Variants in SEC14L1 observed in about 807,000 individuals in gnomAD.
SEC14L1 encodes SEC14 like lipid binding 1, also known as SEC14-like protein 1.
Under a neutral mutation model 85.3 loss-of-function variants are expected in SEC14L1, and 48 were observed. The ratio of observed to expected loss-of-function variants is 0.56; its 90% CI spans 0.45 to 0.72. The LOEUF (loss-of-function observed/expected upper bound fraction) is 0.72, where lower values mean the gene tolerates loss of function less well. SEC14L1 is among the 30% of genes least tolerant of loss of function. The pLI, the probability that SEC14L1 is intolerant of heterozygous loss-of-function variation, is 0.00. For synonymous variants in SEC14L1, 391 were observed against 355.5 expected (o/e 1.10, Z -1.12); for missense variants, 682 against 921.4 (o/e 0.74, Z 3.36).
At chr17:77,122,944 C>T (rs1049109530) in intron 3 of SEC14L1, among the ~76,000 whole-genome samples, 1 of 152,092 alleles carries the variant, frequency 6.6e-6, no homozygotes, top group East Asian at 1.9e-4. Flanking sequence ...ACACAGCATC[C>T]AGACAGAGAA....
intron 3 of SEC14L1, among the ~76,000 whole-genome samples, chr17:77,184,705 G>A (rs1975189719): frequency 6.6e-6 from 1 of 152,172 alleles, no homozygotes; most frequent in African/African-American, 2.4e-5. Context: ...AATAGGGACT[G>A]GTATTTGGAA....
chr17:77,161,895 T>C (rs936463730), intron 3 of SEC14L1, among the ~76,000 whole-genome samples: 9 of 150,240 alleles, frequency 6.0e-5, no homozygotes, highest in African/African-American at 1.9e-4. Flanking sequence ...TTCCTCTCTT[T>C]CTCTCTTTCT....
intron 9 of SEC14L1, 114 bp from the exon 10 acceptor site, chr17:77,203,456 T>A (rs530160147): frequency 7.0e-5 from 60 of 861,192 alleles, no homozygotes; most frequent in Admixed American, 3.7e-4. Flanking sequence ...CAGAAAGACT[T>A]TTAAGCGCCC....
intron 3 of SEC14L1, among the ~76,000 whole-genome samples, chr17:77,131,679 G>A (rs1972617786): frequency 6.6e-6 from 1 of 152,214 alleles, no homozygotes. Context: ...GAATAGAGTG[G>A]AGATGAATAT....
intron 3 of SEC14L1, among the ~76,000 whole-genome samples, chr17:77,148,190 G>C (rs568124776): frequency 1.4e-3 from 215 of 152,252 alleles, no homozygotes; most frequent in Non-Finnish European, 2.3e-3. Context: ...AAGGAGGCGG[G>C]AGGCCACCTA....
At chr17:77,202,936 T>A (rs112326033) in intron 9 of SEC14L1, among the ~76,000 whole-genome samples, 9,886 of 133,450 alleles carry the variant, frequency 0.074, 419 homozygotes, top group East Asian at 0.27. Flanking sequence ...AATAAAAAAA[T>A]AAAAAAAAAA....
In SEC14L1 at chr17:77,191,007, G is replaced by A. The variant is rs747610207; in HGVS notation, c.213+55G>A. On this transcript the variant is annotated intron_variant, in intron 4 of 16. Transcript: ENST00000436233. ...AAAGGGCGTCCTGGTGGGAGAGGGCGTCCTGGTGGGAGAGGGCGTCCTGGA... is the reference window on the plus strand; with the variant it reads ...AAAGGGCGTCCTGGTGGGAGAGGGCATCCTGGTGGGAGAGGGCGTCCTGGA... 3.3e-5 allele frequency: 52 copies of A among 1,597,956 alleles called. 1 individual carries two copies. The highest frequency in any genetic ancestry group is 1.1e-4 in the East Asian group (5 of 44,764).
chr17:77,187,849 G>A (rs559102050), intron 3 of SEC14L1, among the ~76,000 whole-genome samples: 187 of 151,390 alleles, frequency 1.2e-3, no homozygotes, highest in African/African-American at 4.5e-3. Context: ...GGCTCAGGTG[G>A]TCCTCCCATG....
chr17:77,205,315 G>A lies in SEC14L1; in HGVS notation c.1138G>A (p.Glu380Lys). The change falls in exon 11 of 17, where the codon GAG (glutamate) becomes AAG (lysine). Residue 380 changes from glutamate to lysine, a missense_variant. Physicochemically the swap from Glu to Lys is moderately conservative, Grantham distance 56. This residue lies in a region of SEC14L1 where 420 missense variants were observed against 619.5 expected (regional missense o/e 0.68). Coordinates refer to ENST00000436233, the MANE Select transcript of SEC14L1 (RefSeq NM_001143998.2). ...TGAAGAAGGGCTAAGGCGATGCGAA[G>A]AGAATACAAAAGTCTTTGGTCGGCC... is the stretch of plus-strand genomic sequence containing the variant. ...INEEGLRRCE[E>K]NTKVFGRPIS... The A allele has an allele frequency of 6.2e-7, 1 of 1,614,194 alleles. No homozygotes were observed. The highest frequency in any genetic ancestry group is 8.5e-7 in the Non-Finnish European group (1 of 1,180,028).
chr17:77,184,013 T>C (rs1007126128), intron 3 of SEC14L1, among the ~76,000 whole-genome samples: 2 of 152,188 alleles, frequency 1.3e-5, no homozygotes, highest in African/African-American at 4.8e-5. Context: ...CTCGAACTCC[T>C]GACCTCAGGT....
chr17:77,157,908 A>G (rs1298557896), intron 3 of SEC14L1, among the ~76,000 whole-genome samples: 3 of 151,948 alleles, frequency 2.0e-5, no homozygotes, highest in African/African-American at 7.3e-5. Flanking sequence ...TCATGTTTTC[A>G]TGTGACGGAT....
At chr17:77,102,320 A>G (rs1175238764) in intron 3 of SEC14L1, among the ~76,000 whole-genome samples, 1 of 152,170 alleles carries the variant, frequency 6.6e-6, no homozygotes, top group Non-Finnish European at 1.5e-5. Context: ...ATCTTCCTTG[A>G]TGATTACAGT....
At chr17:77,171,177 C>T (rs1320566975) in intron 3 of SEC14L1, among the ~76,000 whole-genome samples, 1 of 152,156 alleles carries the variant, frequency 6.6e-6, no homozygotes, top group Non-Finnish European at 1.5e-5. Flanking sequence ...GATTTCTATA[C>T]ACCCATAAAC....
chr17:77,153,474 AG>A (rs1377809146), intron 3 of SEC14L1, among the ~76,000 whole-genome samples: 2 of 152,358 alleles, frequency 1.3e-5, no homozygotes, highest in Non-Finnish European at 2.9e-5. Flanking sequence ...GTTGCAAATA[AG>A]ATGCAAAATA....
rs1342910671 is a variant in SEC14L1, at chr17:77,214,800, G to A, written c.*777G>A. The A allele has an allele frequency of 1.4e-5, 14 of 985,242 alleles. No individual in the cohort carries two copies. The highest frequency in any genetic ancestry group is 9.4e-5 in the South Asian group (2 of 21,286). The allele number at this position is 985,242 out of a possible 1,614,324, so 61.0% of individuals were successfully genotyped here. A position where few individuals can be genotyped will look rare whatever the true frequency, so the allele number is the denominator to read the frequency against. On this transcript the variant is annotated 3_prime_UTR_variant, in exon 17 of 17. Coordinates refer to ENST00000436233, the MANE Select transcript of SEC14L1 (RefSeq NM_001143998.2). ...GGGGGGGTTCTTCCCGTTTCCTTCCGTGCGTCGCCCCTCTCACCTGCAGTC... is the reference window on the plus strand; with the variant it reads ...GGGGGGGTTCTTCCCGTTTCCTTCCATGCGTCGCCCCTCTCACCTGCAGTC...
intron 14 of SEC14L1, 35 bp downstream of exon 14, chr17:77,209,511 C>G (rs1441331531): frequency 1.2e-6 from 2 of 1,607,488 alleles, no homozygotes; most frequent in Non-Finnish European, 1.7e-6. Context: ...TGGGCCGGCC[C>G]TTCCTCCGCA....
At chr17:77,137,120 G>T (rs961002282), upstream of SEC14L1, among the ~76,000 whole-genome samples, 18 of 152,116 alleles carry the variant, frequency 1.2e-4, no homozygotes, top group Non-Finnish European at 2.5e-4. Flanking sequence ...TATTGGTCAG[G>T]TTGGTCTTAA....
At position 77,106,710 on chromosome 17, in the gene SEC14L1, CCT is replaced by C. The variant is rs1428816502; in HGVS notation, c.-136+13364_-136+13365del. 3.3e-5 allele frequency among the ~76,000 whole-genome samples: 5 copies of C among 152,036 alleles called. No homozygotes were observed. In the East Asian group the frequency reaches 9.7e-4, roughly 29 times the overall value. On this transcript the variant is annotated intron_variant, in intron 3 of 19. Coordinates refer to the SEC14L1 transcript ENST00000392476. ...AATTAGCTGGGTGTGGTGGCCCGCACCTGTGGTCCCAGCTACTCAGGAGGCTG... is the reference window on the plus strand; with the variant it reads ...AATTAGCTGGGTGTGGTGGCCCGCACGTGGTCCCAGCTACTCAGGAGGCTG...
intron 3 of SEC14L1, among the ~76,000 whole-genome samples, chr17:77,127,520 T>C (rs1385508234): frequency 6.6e-6 from 1 of 151,630 alleles, no homozygotes; most frequent in African/African-American, 2.4e-5. Flanking sequence ...TGGCTAATTT[T>C]TGTATTTTTA....
Sources: allele counts gnomAD v4.1 joint callset (sites outside exome capture counted in the v4.1 genomes callset), GRCh38; gene constraint gnomAD v4.1.1; regional missense constraint gnomAD v4.1.1; transcripts MANE v1.5; gene names NCBI Gene and HGNC (gene_info 2026-07-23, HGNC 2026-07-21).